Variants in INA observed in about 807,000 individuals in gnomAD.
The protein encoded by INA is internexin neuronal intermediate filament protein alpha.
INA carries 35 observed loss-of-function variants against 40.1 expected under a neutral mutation model. The ratio of observed to expected loss-of-function variants is 0.87; its 90% CI spans 0.67 to 1.16. The LOEUF (loss-of-function observed/expected upper bound fraction) is 1.16. INA is among the 50% of genes most tolerant of loss of function. The probability of loss-of-function intolerance (pLI) is 0.00; values close to 1 mark genes in which losing one functional copy is unlikely to be tolerated. For missense variants in INA, 594 were observed against 686.7 expected (o/e 0.87, Z 1.51); for synonymous variants, 290 against 316.9 (o/e 0.92, Z 0.90).
intron 1 of INA, chr10:103,280,817 TG>T (rs2093071004): frequency 1.0e-6 from 1 of 985,294 alleles, no homozygotes; most frequent in South Asian, 4.7e-5. Context: ...AAAAAGCTGA[TG>T]GGGTTTCCAT....
Position 103,280,607 on chromosome 10 carries a change from T to C in INA, c.1065+2331T>C, listed in dbSNP as rs141370039. 734 of 985,428 alleles carry C rather than the reference T, an allele frequency of 7.4e-4. 3 individuals carry two copies. In the African/African-American group the frequency reaches 0.012, roughly 16 times the overall value. The allele number at this position is 985,428 out of a possible 1,614,324, so 61.0% of individuals were successfully genotyped here. Reference sequence around the variant, plus strand: ...GAAACATAGGAAGGCCCCATTAAAGTCCCATCTTCTCTGCCCCAGATAGCT... The same window carrying C: ...GAAACATAGGAAGGCCCCATTAAAGCCCCATCTTCTCTGCCCCAGATAGCT... On this transcript the variant is annotated intron_variant, in intron 1 of 2. Coordinates refer to ENST00000369849, the MANE Select transcript of INA (RefSeq NM_032727.4).
chr10:103,284,635 TC>T (rs1314959705), intron 1 of INA, among the ~76,000 whole-genome samples: 2 of 151,690 alleles, frequency 1.3e-5, no homozygotes, highest in African/African-American at 4.8e-5. Flanking sequence ...ACACCTGTAA[TC>T]CCAGCTACTC....
In INA at chr10:103,278,201, C is replaced by G; in HGVS notation, c.990C>G (p.Arg330=). 6.2e-7 allele frequency: 1 copy of G among 1,604,648 alleles called. No homozygotes were observed. The highest frequency in any genetic ancestry group is 8.5e-7 in the Non-Finnish European group (1 of 1,176,374). The stretch of plus-strand genomic sequence containing the variant: ...GCACCATCGAGATCGAGGGCCTGCG[C>G]GGGGCCAACGAGTCCTTGGAGAGGC... ...QARTIEIEGL[R]GANESLERQI... The change falls in exon 1 of 3, where the codon CGC becomes CGG. Residue 330 remains arginine (R), a synonymous_variant. Transcript: ENST00000369849. The surrounding 1 kb of genome is among the most constrained non-coding windows in gnomAD (Gnocchi z 4.9).
At chr10:103,286,321 G>A (rs1316253594) in intron 1 of INA, among the ~76,000 whole-genome samples, 1 of 109,564 alleles carries the variant, frequency 9.1e-6, no homozygotes, top group Non-Finnish European at 1.7e-5. Flanking sequence ...AGGCAACAGA[G>A]CAAGACCTTG....
At chr10:103,284,570 A>G (rs983771832) in intron 1 of INA, among the ~76,000 whole-genome samples, 1 of 152,028 alleles carries the variant, frequency 6.6e-6, no homozygotes, top group African/African-American at 2.4e-5. Flanking sequence ...CCTGGCCAAC[A>G]TGGTGAAACC....
chr10:103,280,624 C>T (rs192305901), intron 1 of INA: 3 of 985,454 alleles, frequency 3.0e-6, no homozygotes, highest in East Asian at 1.1e-4. Context: ...TTCTCTGCCC[C>T]AGATAGCTGA....
At chr10:103,283,748 CTT>C (rs34755376) in intron 1 of INA, among the ~76,000 whole-genome samples, 3 of 114,910 alleles carry the variant, frequency 2.6e-5, no homozygotes, top group Admixed American at 2.0e-4. Flanking sequence ...ATCACTGTTT[CTT>C]TTTTTTTTTT....
At chr10:103,285,956 G>A (rs2093085033) in intron 1 of INA, among the ~76,000 whole-genome samples, 1 of 152,008 alleles carries the variant, frequency 6.6e-6, no homozygotes, top group Non-Finnish European at 1.5e-5. Flanking sequence ...GCCATGTAAA[G>A]ACCGGCATTT....
At position 103,288,766 on chromosome 10, in the gene INA, T is replaced by C. The variant is rs1279401521; in HGVS notation, c.*97T>C. The C allele has an allele frequency of 2.7e-6, 2 of 751,402 alleles. No individual in the cohort carries two copies. The highest frequency in any genetic ancestry group is 3.5e-5 in the African/African-American group (2 of 56,696). The allele number at this position is 751,402 out of a possible 1,614,324, so 46.5% of individuals were successfully genotyped here. A position where few individuals can be genotyped will look rare whatever the true frequency, so the allele number is the denominator to read the frequency against. On this transcript the variant is annotated 3_prime_UTR_variant, in exon 3 of 3. Transcript: ENST00000369849. ...TGAACTATAACACCTGCCACCACTA[T>C]AAAATGTCTTCAAGGCTTCAGTCTC...
chr10:103,287,272 C>A, intron 2 of INA, 113 bp downstream of exon 2: 1 of 1,152,512 alleles, frequency 8.7e-7, no homozygotes. Context: ...GGAAGAAGGG[C>A]ATCACTGGCC....
chr10:103,279,844 C>T (rs1408665478), intron 1 of INA: 3 of 859,898 alleles, frequency 3.5e-6, no homozygotes, highest in Non-Finnish European at 3.2e-6. Context: ...ATTTCTGCCT[C>T]AAAATCCATA....
chr10:103,286,562 G>T (rs1252645845), intron 1 of INA, among the ~76,000 whole-genome samples: 1 of 151,966 alleles, frequency 6.6e-6, no homozygotes, highest in African/African-American at 2.4e-5. Context: ...TTCCTGGAAA[G>T]CTCTCTGTGC....
intron 1 of INA, among the ~76,000 whole-genome samples, chr10:103,279,005 C>T (rs2133532002): frequency 6.6e-6 from 1 of 152,042 alleles, no homozygotes. Flanking sequence ...CGTGAAAGGT[C>T]GGGGCGCTGT....
rs1312330467 is a variant in INA at position 103,277,632 on chromosome 10, G to T, written c.421G>T (p.Glu141Ter). 1.4e-6 allele frequency: 2 copies of T among 1,466,874 alleles called. No individual in the cohort carries two copies. The highest frequency in any genetic ancestry group is 1.8e-6 in the Non-Finnish European group (2 of 1,114,672). The allele number at this position is 1,466,874 out of a possible 1,614,324, so 90.9% of individuals were successfully genotyped here. ...CCACGCTGAGCCGTCGCGCGTCGGC[G>T]AGCTCTTCCAGCGCGAGCTGCGCGA... is the stretch of plus-strand genomic sequence containing the variant. ...QRHAEPSRVG[E>*]LFQRELRDLR... is the part of the protein sequence containing the mutation. Residue 141 changes from glutamate to a stop codon, truncating the protein, a stop_gained, in exon 1 of 3, where the codon GAG becomes TAG. Transcript: ENST00000369849. LOFTEE classifies it high-confidence loss of function. The surrounding 1 kb of genome is among the most constrained non-coding windows in gnomAD (Gnocchi z 5.6).
At chr10:103,285,732 C>T (rs2093084340) in intron 1 of INA, among the ~76,000 whole-genome samples, 2 of 151,670 alleles carry the variant, frequency 1.3e-5, no homozygotes, top group African/African-American at 4.8e-5. Flanking sequence ...ATTCTCCTGC[C>T]TCAGCCTCCC....
At chr10:103,280,539 T>G (rs2093070389) in intron 1 of INA, 10 of 985,320 alleles carry the variant, frequency 1.0e-5, no homozygotes, top group Admixed American at 6.1e-5. Context: ...CTACAGAGAT[T>G]AGTGGTAGGG....
chr10:103,277,575 T>A lies in INA; in HGVS notation c.364T>A (p.Leu122Met), dbSNP rs533113833. The change falls in exon 1 of 3, where the codon TTG becomes ATG. Residue 122 changes from leucine to methionine, a missense_variant. By Grantham distance (15) the Leu-to-Met change is conservative (BLOSUM62 2). Around this residue, in one of 2 missense-constraint regions of INA, gnomAD observed 215 missense variants for 190.6 expected, o/e 1.13. Transcript: ENST00000369849. The surrounding 1 kb of genome is among the most constrained non-coding windows in gnomAD (Gnocchi z 5.6). Reference protein sequence around the residue: ...VHQLETQNRALEAELAALRQR... With the variant: ...VHQLETQNRAMEAELAALRQR... ...TCAGCTGGAGACGCAGAACCGCGCG[T>A]TGGAGGCCGAGCTGGCCGCGCTGCG... is the stretch of plus-strand genomic sequence containing the variant. The A allele has an allele frequency of 6.4e-7, 1 of 1,568,930 alleles. No homozygotes were observed. Among genetic ancestry groups the A allele is most frequent in the East Asian group, 2.4e-5 (1 of 41,062 alleles).
At chr10:103,288,243 A>G in intron 2 of INA, 117 bp from the exon 3 acceptor site, 1 of 937,918 alleles carries the variant, frequency 1.1e-6, no homozygotes, top group Non-Finnish European at 1.6e-6. Flanking sequence ...TTTCAATCTC[A>G]TGAAGAAACT....
chr10:103,280,674 A>G (rs961464682), intron 1 of INA: 2 of 985,352 alleles, frequency 2.0e-6, no homozygotes, highest in African/African-American at 3.5e-5. Context: ...CACTTTTGAA[A>G]GGGTAAAAAA....
Sources: gnomAD v4.1 joint callset for allele counts (sites outside exome capture counted in the v4.1 genomes callset) on GRCh38, gnomAD v4.1.1 for gene constraint, gnomAD v4.1.1 regional missense constraint, Gnocchi (gnomAD v3.1) non-coding constraint, MANE v1.5 for transcripts, NCBI Gene and HGNC (gene_info 2026-07-23, HGNC 2026-07-21) for gene names.